The following ROBO2 variants were observed in gnomAD, a reference collection of about 807,000 sequenced individuals.
ROBO2 encodes the protein roundabout homolog 2.
In ROBO2, 53 loss-of-function variants were observed where a neutral mutation model predicts 160.8. The ratio of observed to expected loss-of-function variants is 0.33; its 90% CI spans 0.26 to 0.41. The LOEUF (loss-of-function observed/expected upper bound fraction) is 0.41. Among genes scored for constraint, ROBO2 ranks in the 10% least tolerant of loss-of-function variants. The pLI, the probability that ROBO2 is intolerant of heterozygous loss-of-function variation, is 1.00. For missense variants in ROBO2, 1,577 were observed against 1,722.4 expected, an observed-to-expected ratio of 0.92 and a Z score of 1.49; for synonymous variants, 664 against 611.7, an observed-to-expected ratio of 1.09 and a Z score of -1.26.
At chr3:76,240,199 G>C (rs1429371126) in intron 2 of ROBO2, among the ~76,000 whole-genome samples, 1 of 152,002 alleles carries the variant, frequency 6.6e-6, no homozygotes, top group Non-Finnish European at 1.5e-5. Context: ...TGTTACATAG[G>C]TATACACTTC....
chr3:76,862,762 T>A (rs2070930263), intron 2 of ROBO2, among the ~76,000 whole-genome samples: 1 of 152,140 alleles, frequency 6.6e-6, no homozygotes, highest in Admixed American at 6.6e-5. Flanking sequence ...ATGTCATATT[T>A]TGGGGTCGTA....
rs180830938 is a variant in ROBO2 at position 77,406,844 on chromosome 3, G to A, written c.389-70570G>A. Among the ~76,000 whole-genome samples, 24 of 152,116 alleles carry A rather than the reference G, an allele frequency of 1.6e-4. No individual in the cohort carries two copies. In the East Asian group the frequency reaches 4.6e-3, roughly 29 times the overall value. ...TTATGCTTCTTTGTAGCAATGTGAGGCTTGGAAGAAAATGTACAGTACATG... is the reference window on the plus strand; with the variant it reads ...TTATGCTTCTTTGTAGCAATGTGAGACTTGGAAGAAAATGTACAGTACATG... On this transcript the variant is annotated intron_variant, in intron 2 of 25. Transcript: ENST00000461745.
At position 77,023,158 on chromosome 3, in the gene ROBO2, G is replaced by A. The variant is rs192323035; in HGVS notation, c.110-74856G>A. Among the ~76,000 whole-genome samples the A allele has an allele frequency of 2.7e-3, 404 of 152,198 alleles. 4 individuals carry two copies. The highest frequency in any genetic ancestry group is 8.6e-3 in the African/African-American group (355 of 41,520). On this transcript the variant is annotated intron_variant, in intron 2 of 26. Transcript: ENST00000487694. The stretch of plus-strand genomic sequence containing the variant: ...AATCATGAGGGCCAGTCTTTCCCTC[G>A]CTATTCTCATGATAGTGAAAAGTCT...
At chr3:76,011,531 C>G (rs930733778) in intron 2 of ROBO2, among the ~76,000 whole-genome samples, 1 of 152,114 alleles carries the variant, frequency 6.6e-6, no homozygotes, top group African/African-American at 2.4e-5. Flanking sequence ...AGACCTCGCT[C>G]TTGTGAATTG....
chr3:77,619,975 T>C (rs890587945), intron 22 of ROBO2, among the ~76,000 whole-genome samples: 1 of 152,214 alleles, frequency 6.6e-6, no homozygotes, highest in Non-Finnish European at 1.5e-5. Context: ...ACCCCTGAGT[T>C]GTTCACTTCT....
intron 2 of ROBO2, among the ~76,000 whole-genome samples, chr3:76,170,649 T>C (rs918761051): frequency 1.1e-4 from 16 of 152,226 alleles, no homozygotes; most frequent in African/African-American, 3.6e-4. Flanking sequence ...CTAAGATGTT[T>C]ATCTGCACTT....
chr3:76,716,943 C>A (rs1439729326), intron 2 of ROBO2, among the ~76,000 whole-genome samples: 1 of 152,070 alleles, frequency 6.6e-6, no homozygotes, highest in Non-Finnish European at 1.5e-5. Flanking sequence ...TAGTTTATTG[C>A]GAGGATGTTA....
intron 2 of ROBO2, among the ~76,000 whole-genome samples, chr3:76,349,824 G>A (rs1274581604): frequency 6.6e-6 from 1 of 152,006 alleles, no homozygotes; most frequent in Admixed American, 6.6e-5. Context: ...CACATGGAAA[G>A]ATTCAGATGA....
At chr3:77,282,388 A>T (rs2060299256) in intron 2 of ROBO2, among the ~76,000 whole-genome samples, 1 of 152,152 alleles carries the variant, frequency 6.6e-6, no homozygotes, top group Admixed American at 6.5e-5. Flanking sequence ...GGTACTGCTG[A>T]TGAAATTTTA....
chr3:77,486,146 G>A (rs1414407574), intron 4 of ROBO2, among the ~76,000 whole-genome samples: 2 of 152,160 alleles, frequency 1.3e-5, no homozygotes, highest in Non-Finnish European at 2.9e-5. Context: ...ATTCCATGGT[G>A]TATTTGTACC....
intron 2 of ROBO2, among the ~76,000 whole-genome samples, chr3:76,467,425 T>C (rs1293156360): frequency 2.0e-5 from 3 of 152,032 alleles, no homozygotes; most frequent in South Asian, 2.1e-4. Flanking sequence ...AAAATACACA[T>C]GTTTAGAAAT....
intron 2 of ROBO2, among the ~76,000 whole-genome samples, chr3:76,242,248 C>G (rs1275875213): frequency 2.0e-5 from 3 of 152,106 alleles, no homozygotes; most frequent in Non-Finnish European, 1.5e-5. Flanking sequence ...TCTGTGCACT[C>G]TTGGCTACTA....
chr3:77,132,223 T>C (rs1017491473), intron 2 of ROBO2, among the ~76,000 whole-genome samples: 1 of 152,078 alleles, frequency 6.6e-6, no homozygotes, highest in African/African-American at 2.4e-5. Context: ...TTTAATAATA[T>C]TGTAATACTG....
intron 2 of ROBO2, among the ~76,000 whole-genome samples, chr3:76,087,334 G>C (rs1383351599): frequency 6.6e-6 from 1 of 151,966 alleles, no homozygotes; most frequent in Non-Finnish European, 1.5e-5. Flanking sequence ...CCTTTCAGAA[G>C]CTATGCAAGC....
chr3:76,275,992 T>C (rs1707895594), intron 2 of ROBO2, among the ~76,000 whole-genome samples: 1 of 151,986 alleles, frequency 6.6e-6, no homozygotes, highest in Non-Finnish European at 1.5e-5. Flanking sequence ...AAATATACAA[T>C]TTAAATACAT....
chr3:77,228,003 A>T (rs1296359088), intron 2 of ROBO2, among the ~76,000 whole-genome samples: 2 of 152,212 alleles, frequency 1.3e-5, no homozygotes, highest in Non-Finnish European at 2.9e-5. Flanking sequence ...AACATGCTGA[A>T]CTTAAAGCCA....
At chr3:76,038,334 GAACTTCAACACTTT>G (rs1470727830) in intron 2 of ROBO2, among the ~76,000 whole-genome samples, 1 of 151,820 alleles carries the variant, frequency 6.6e-6, no homozygotes, top group Non-Finnish European at 1.5e-5. Context: ...AAATTATGAG[GAACTTCAACACTTT>G]AAAATTAAGT....
chr3:76,334,341 C>A (rs979912058), intron 2 of ROBO2, among the ~76,000 whole-genome samples: 2 of 151,976 alleles, frequency 1.3e-5, no homozygotes, highest in African/African-American at 4.8e-5. Context: ...TCCAGAAATG[C>A]TTGGGATGTA....
chr3:77,493,740 A>T (rs1376032235), intron 5 of ROBO2, among the ~76,000 whole-genome samples: 1 of 152,098 alleles, frequency 6.6e-6, no homozygotes, highest in African/African-American at 2.4e-5. Flanking sequence ...CCCATGCTTC[A>T]TCCCCTCTGG....
Sources: allele counts gnomAD v4.1 joint callset (sites outside exome capture counted in the v4.1 genomes callset), GRCh38; gene constraint gnomAD v4.1.1; transcripts MANE v1.5; gene names NCBI Gene and HGNC (gene_info 2026-07-23, HGNC 2026-07-21).